The following ZNF541 variants were observed in gnomAD, a reference collection of about 807,000 sequenced individuals.
The protein encoded by ZNF541 is zinc finger protein 541.
In ZNF541, 23 loss-of-function variants were observed where a neutral mutation model predicts 123.5. The observed-to-expected ratio is 0.19, with a 90% confidence interval of 0.13 to 0.26. ZNF541 has a LOEUF of 0.26. Among genes scored for constraint, ZNF541 ranks in the 10% least tolerant of loss-of-function variants. The probability of loss-of-function intolerance (pLI) is 1.00; values close to 1 mark genes in which losing one functional copy is unlikely to be tolerated. For synonymous variants in ZNF541, 751 were observed against 754.5 expected (o/e 1.00, Z 0.08); for missense variants, 1,612 against 1,789.9 (o/e 0.90, Z 1.79).
Position 47,549,431 on chromosome 19 carries a change from G to A in ZNF541, c.362C>T (p.Thr121Ile), listed in dbSNP as rs1273811189. 7 of 1,551,590 alleles carry A rather than the reference G, an allele frequency of 4.5e-6. No homozygotes were observed. In the East Asian group the frequency reaches 1.5e-4, roughly 32 times the overall value. Residue 121 changes from threonine (T) to isoleucine (I), a missense_variant, in exon 4 of 17, where the codon ACC becomes ATC. This residue lies in a region of ZNF541 where 212 missense variants were observed against 289.6 expected (regional missense o/e 0.73). Transcript: ENST00000391901. ...CTTTCCTTTCCTGGCACTCCCCGAG[G>A]TGGCCCTTCCTCCTTCGTCAGCCTC... The part of the protein sequence containing the change: ...AKEADEGGRA[T>I]SGSARKGKRQ...
At chr19:47,560,896 A>C (rs1324317486) in intron 2 of ZNF541, among the ~76,000 whole-genome samples, 2 of 152,206 alleles carry the variant, frequency 1.3e-5, no homozygotes, top group Non-Finnish European at 2.9e-5. Flanking sequence ...AAAAGCAATA[A>C]GCTATCAAAC....
Position 47,528,896 on chromosome 19 carries a change from C to T in ZNF541, c.3570+54G>A, listed in dbSNP as rs551392406. The T allele has an allele frequency of 3.6e-5, 53 of 1,453,162 alleles. No homozygotes were observed. The African/African-American group carries it at 5.5e-4, about 15-fold the overall frequency. The allele number at this position is 1,453,162 out of a possible 1,614,324, so 90.0% of individuals were successfully genotyped here. A position where few individuals can be genotyped will look rare whatever the true frequency, so the allele number is the denominator to read the frequency against. ...CCCCCGACCAGCCCTGCAGCTCTAG[C>T]TTGTCTCAGCTGTGTGAGGCAGGGC... is the stretch of plus-strand genomic sequence containing the variant. On this transcript the variant is annotated intron_variant, in intron 14 of 16. Coordinates refer to ENST00000391901, the MANE Select transcript of ZNF541 (RefSeq NM_001277075.3).
At chr19:47,526,647 G>A (rs1281476513) in intron 14 of ZNF541, among the ~76,000 whole-genome samples, 1 of 152,164 alleles carries the variant, frequency 6.6e-6, no homozygotes, top group Non-Finnish European at 1.5e-5. Flanking sequence ...CCACCACACT[G>A]TCATGAGAAT....
Position 47,555,564 on chromosome 19 carries a change from T to A in ZNF541, c.293A>T (p.Gln98Leu), listed in dbSNP as rs1183602101. The change falls in exon 3 of 17, where the codon CAG becomes CTG. Residue 98 changes from glutamine to leucine, a missense_variant. This residue lies in a region of ZNF541 where 212 missense variants were observed against 289.6 expected (regional missense o/e 0.73). Coordinates refer to ENST00000391901, the MANE Select transcript of ZNF541 (RefSeq NM_001277075.3). ...GACAGCCTCACCTTGTAAGGATGCC[T>A]GAGACTCCGAATCTGCGTACTCCTC... Reference protein sequence around the residue: ...LLEEYADSESQASLQDLGLGV... With the variant: ...LLEEYADSESLASLQDLGLGV... 6.5e-7 allele frequency: 1 copy of A among 1,544,254 alleles called. No homozygotes were observed. The highest frequency in any genetic ancestry group is 8.8e-7 in the Non-Finnish European group (1 of 1,141,672).
chr19:47,545,634 C>T lies in ZNF541; in HGVS notation c.895G>A (p.Asp299Asn). 1 of 1,549,798 alleles carries T rather than the reference C, an allele frequency of 6.5e-7. No individual in the cohort carries two copies. Among genetic ancestry groups the T allele is most frequent in the Non-Finnish European group, 8.7e-7 (1 of 1,146,604 alleles). Residue 299 changes from aspartate (D) to asparagine (N), a missense_variant, in exon 5 of 17, where the codon GAC becomes AAC. This residue lies in a region of ZNF541 where 1,080 missense variants were observed against 1,013.8 expected (regional missense o/e 1.07). Coordinates refer to ENST00000391901, the MANE Select transcript of ZNF541 (RefSeq NM_001277075.3). This position sits in a 1 kb window ranked among gnomAD's most constrained non-coding sequence, Gnocchi z 7.5. ...SPGPAPAGAS[D>N]SEGRNTACPC... ...CAGGCAGTGTTCCTCCCTTCGCTGT[C>T]TGAAGCCCCCGCCGGGGCTGGGCCA...
rs907206790 is a variant in ZNF541 at position 47,532,152 on chromosome 19, T to C, written c.3277A>G (p.Ile1093Val). ...LVWKPWGDMMISSETQDRVTE... is the reference protein window; with the variant it reads ...LVWKPWGDMMVSSETQDRVTE... The stretch of plus-strand genomic sequence containing the variant: ...CCTCTATCCTGTGTCTCTGAGCTGA[T>C]CATCATATCTCCCCATGGCTTCCAG... Residue 1093 changes from isoleucine to valine, a missense_variant, in exon 11 of 17, where the codon ATC becomes GTC. Transcript: ENST00000391901. The C allele has an allele frequency of 1.8e-5, 28 of 1,551,632 alleles. No individual in the cohort carries two copies. The highest frequency in any genetic ancestry group is 2.3e-5 in the Non-Finnish European group (26 of 1,147,000).
intron 9 of ZNF541, among the ~76,000 whole-genome samples, chr19:47,533,349 G>C (rs1486628056): frequency 2.0e-5 from 2 of 101,540 alleles, no homozygotes; most frequent in African/African-American, 3.9e-5. Context: ...GACAGAGCGA[G>C]ACTCCATCTC....
intron 14 of ZNF541, among the ~76,000 whole-genome samples, chr19:47,522,592 C>T (rs1042279578): frequency 2.6e-5 from 4 of 152,078 alleles, no homozygotes; most frequent in African/African-American, 4.8e-5. Context: ...GTCAGGAGTT[C>T]AAGACCAGCC....
chr19:47,532,366 C>T, intron 10 of ZNF541, 96 bp from the exon 11 acceptor site: 1 of 1,372,810 alleles, frequency 7.3e-7, no homozygotes, highest in Non-Finnish European at 9.9e-7. Context: ...TCTTGGGCCA[C>T]AGCCTGCTCC....
At chr19:47,524,741 T>A (rs2122865459) in intron 14 of ZNF541, among the ~76,000 whole-genome samples, 1 of 149,342 alleles carries the variant, frequency 6.7e-6, no homozygotes, top group South Asian at 2.1e-4. Flanking sequence ...ATACCAGAGC[T>A]AGGTGTGATT....
At chr19:47,571,801 G>A (rs1190715866) in intron 2 of ZNF541, among the ~76,000 whole-genome samples, 95 bp downstream of exon 2, 1 of 152,114 alleles carries the variant, frequency 6.6e-6, no homozygotes, top group Non-Finnish European at 1.5e-5. Context: ...CCATTAGTAC[G>A]GACTTTGGTA....
At chr19:47,536,103 ACAGATCGCT>A (rs1826128946) in intron 9 of ZNF541, among the ~76,000 whole-genome samples, 4 of 152,368 alleles carry the variant, frequency 2.6e-5, no homozygotes, top group Admixed American at 2.6e-4. Context: ...TCCTTAAGGC[ACAGATCGCT>A]CATGCTATTG....
At position 47,529,669 on chromosome 19, in the gene ZNF541, G is replaced by A. The variant is rs188797291; in HGVS notation, c.3406-17C>T. On this transcript the variant is annotated splice_polypyrimidine_tract_variant and intron_variant, in intron 12 of 16. Transcript: ENST00000391901. Reference sequence around the variant, plus strand: ...CAGGGCGACCTGGAACAAGAGGAGCGACAGGCTGCCCAGGACCAGGTGGGG... The same window carrying A: ...CAGGGCGACCTGGAACAAGAGGAGCAACAGGCTGCCCAGGACCAGGTGGGG... 113 of 1,551,014 alleles carry A rather than the reference G, an allele frequency of 7.3e-5. No homozygotes were observed. The highest frequency in any genetic ancestry group is 3.0e-4 in the African/African-American group (22 of 73,120).
Position 47,571,876 on chromosome 19 carries a change from T to G in ZNF541, c.-99+20A>C, listed in dbSNP as rs1971489799. Among the ~76,000 whole-genome samples, 1 of 152,154 alleles carries G rather than the reference T, an allele frequency of 6.6e-6. No individual in the cohort carries two copies. Among genetic ancestry groups the G allele is most frequent in the Non-Finnish European group, 1.5e-5 (1 of 68,016 alleles). ...AACAAAGCAGGTGTCTTTGGCTCAG[T>G]GCAAAGGAAGGAAACTCACCAGAAG... On this transcript the variant is annotated intron_variant, in intron 2 of 16. Transcript: ENST00000391901.
intron 2 of ZNF541, among the ~76,000 whole-genome samples, chr19:47,563,998 G>A (rs2123384043): frequency 6.6e-6 from 1 of 152,210 alleles, no homozygotes; most frequent in East Asian, 1.9e-4. Flanking sequence ...AACCTAGATT[G>A]TAGTATTACT....
chr19:47,526,549 C>T (rs889692074), intron 14 of ZNF541, among the ~76,000 whole-genome samples: 2 of 149,070 alleles, frequency 1.3e-5, no homozygotes, highest in African/African-American at 5.0e-5. Flanking sequence ...TATGAACAGA[C>T]ACCTCACCAA....
chr19:47,547,193 G>T (rs761561071), intron 4 of ZNF541, among the ~76,000 whole-genome samples: 1 of 152,080 alleles, frequency 6.6e-6, no homozygotes, highest in Non-Finnish European at 1.5e-5. Context: ...ACTTGGGGAC[G>T]ATCCTTCCTT....
rs923970172 is a variant in ZNF541 at position 47,550,757 on chromosome 19, C to T, written c.308-1272G>A. ...TAAGTCCTGGGCTCAAGTGATCCTC[C>T]CACCTCAGCCTACTGAGTAGCTGGG... is the stretch of plus-strand genomic sequence containing the variant. On this transcript the variant is annotated intron_variant, in intron 3 of 16. Transcript: ENST00000391901. Among the ~76,000 whole-genome samples, 3 of 152,260 alleles carry T rather than the reference C, an allele frequency of 2.0e-5. No individual in the cohort carries two copies. The South Asian group carries it at 6.2e-4, about 32-fold the overall frequency.
At chr19:47,568,073 G>A (rs1159894989) in intron 2 of ZNF541, among the ~76,000 whole-genome samples, 1 of 152,098 alleles carries the variant, frequency 6.6e-6, no homozygotes, top group East Asian at 1.9e-4. Context: ...ACAGTATCTT[G>A]CCTAGCACAG....
Sources: gnomAD v4.1 joint callset for allele counts (sites outside exome capture counted in the v4.1 genomes callset) on GRCh38, gnomAD v4.1.1 for gene constraint, gnomAD v4.1.1 regional missense constraint, Gnocchi (gnomAD v3.1) non-coding constraint, MANE v1.5 for transcripts, NCBI Gene and HGNC (gene_info 2026-07-23, HGNC 2026-07-21) for gene names.